AR: variants seen among roughly 807,000 people sequenced by gnomAD.
The protein encoded by AR is dihydrotestosterone receptor.
Under a neutral mutation model 53.9 loss-of-function variants are expected in AR, and 8 were observed. The observed-to-expected ratio is 0.15, with a 90% CI of 0.09 to 0.27. AR has a LOEUF of 0.27. Ranked by LOEUF, AR falls within the 10% of genes least tolerant of loss-of-function variation. The pLI, the probability that AR is intolerant of heterozygous loss-of-function variation, is 1.00. For synonymous variants in AR, 359 were observed against 316.4 expected (o/e 1.13, Z -1.43); for missense variants, 639 against 742.5 (o/e 0.86, Z 1.62).
chrX:67,668,663 C>G (rs1349715093), intron 2 of AR, among the ~76,000 whole-genome samples: 2 of 111,036 alleles, frequency 1.8e-5, no homozygotes, highest in African/African-American at 6.5e-5. Context: ...TGGTAAAATT[C>G]TGCACTGAAG....
intron 7 of AR, among the ~76,000 whole-genome samples, chrX:67,723,240 C>A (rs1403850385): frequency 9.3e-6 from 1 of 108,059 alleles, no homozygotes; most frequent in Non-Finnish European, 1.9e-5. Context: ...CAGATGAATT[C>A]TCTAGGCAGA....
chrX:67,674,302 G>A (rs765031690), intron 2 of AR, among the ~76,000 whole-genome samples: 11 of 110,313 alleles, frequency 1.0e-4, no homozygotes, highest in Non-Finnish European at 1.7e-4. Flanking sequence ...AGCTGGCACA[G>A]CACTGAGTCT....
intron 1 of AR, among the ~76,000 whole-genome samples, chrX:67,632,182 C>T (rs1458562538): frequency 1.8e-5 from 2 of 112,374 alleles, no homozygotes; most frequent in African/African-American, 6.5e-5. Context: ...TCGAGCTTCC[C>T]AGCTGCTTTG....
intron 3 of AR, among the ~76,000 whole-genome samples, chrX:67,710,579 C>A (rs926925752): frequency 3.9e-4 from 43 of 111,381 alleles, no homozygotes; most frequent in Non-Finnish European, 5.1e-4. Context: ...GCACTCCTCC[C>A]ATCTCAGCCT....
intron 3 of AR, among the ~76,000 whole-genome samples, chrX:67,706,562 C>T (rs2076068753): frequency 9.0e-6 from 1 of 110,976 alleles, no homozygotes; most frequent in Non-Finnish European, 1.9e-5. Context: ...GTCTTGCCAG[C>T]AGTCTATCAA....
At chrX:67,654,261 T>A (rs1383714860) in intron 2 of AR, among the ~76,000 whole-genome samples, 1 of 111,532 alleles carries the variant, frequency 9.0e-6, no homozygotes, top group Non-Finnish European at 1.9e-5. Flanking sequence ...TGAGTCTTGG[T>A]CATAGGCATG....
chrX:67,588,650 A>G (rs891395468), intron 1 of AR, among the ~76,000 whole-genome samples: 1 of 112,433 alleles, frequency 8.9e-6, no homozygotes, highest in Non-Finnish European at 1.9e-5. Context: ...GATAGTGACA[A>G]GCTGATGCCC....
intron 1 of AR, among the ~76,000 whole-genome samples, chrX:67,557,011 C>T (rs189981792): frequency 2.7e-5 from 3 of 111,224 alleles, no homozygotes; most frequent in East Asian, 5.7e-4. Flanking sequence ...TTGTATTGGA[C>T]GGTTTTGAGC....
rs753951279 is a variant in AR at position 67,630,594 on chromosome X, A to G, written c.1617-12662A>G. On this transcript the variant is annotated intron_variant, in intron 1 of 7. Coordinates refer to ENST00000374690, the MANE Select transcript of AR (RefSeq NM_000044.6). ...CTGATGGGTCTTGACTCTTTATCCA[A>G]TTTGCCAGTCTGTGTCTTTTAATTG... Among the ~76,000 whole-genome samples the G allele has an allele frequency of 2.7e-4, 30 of 110,692 alleles. No homozygotes were observed. In the South Asian group the frequency reaches 0.011, roughly 42 times the overall value.
At chrX:67,716,463 C>A (rs1359829337) in intron 4 of AR, among the ~76,000 whole-genome samples, 3 of 111,737 alleles carry the variant, frequency 2.7e-5, no homozygotes, top group African/African-American at 9.8e-5. Context: ...AAAGTAACTG[C>A]CTGTGCAGAG....
rs1262925589 is a variant in AR, at chrX:67,677,125, A to C, written c.1769-8885A>C. On this transcript the variant is annotated intron_variant, in intron 2 of 7. Coordinates refer to ENST00000374690, the MANE Select transcript of AR (RefSeq NM_000044.6). Reference sequence around the variant, plus strand: ...CCAAACTCACTAAGACTGAAGGCGAACCAGGATTCCAAACAGCCATTATGA... The same window carrying C: ...CCAAACTCACTAAGACTGAAGGCGACCCAGGATTCCAAACAGCCATTATGA... Among the ~76,000 whole-genome samples, 7 of 110,845 alleles carry C rather than the reference A, an allele frequency of 6.3e-5. No homozygotes were observed. In the East Asian group the frequency reaches 2.0e-3, roughly 32 times the overall value.
intron 1 of AR, among the ~76,000 whole-genome samples, chrX:67,571,077 A>T (rs1433635156): frequency 9.0e-6 from 1 of 110,902 alleles, no homozygotes; most frequent in Non-Finnish European, 1.9e-5. Flanking sequence ...GGTAGGGATG[A>T]GGAAGAGACC....
chrX:67,656,352 G>A (rs1270105574), intron 2 of AR, among the ~76,000 whole-genome samples: 2 of 110,914 alleles, frequency 1.8e-5, no homozygotes, highest in South Asian at 3.8e-4. Context: ...ACCTACCTGC[G>A]GCAGATACAA....
intron 1 of AR, among the ~76,000 whole-genome samples, chrX:67,629,117 G>T: frequency 9.0e-6 from 1 of 111,043 alleles, no homozygotes; most frequent in Non-Finnish European, 1.9e-5. Flanking sequence ...TTGTGTCTCT[G>T]CCCGTCTTTG....
In AR at chrX:67,725,397, T is replaced by C. The variant is rs1188832824; in HGVS notation, c.*1556T>C. 1 of 174,069 alleles carries C rather than the reference T, an allele frequency of 5.7e-6. No individual in the cohort carries two copies. The highest frequency in any genetic ancestry group is 1.1e-5 in the Non-Finnish European group (1 of 91,457). The allele number at this position is 174,069 out of a possible 1,213,427, so 14.3% of individuals were successfully genotyped here. On this transcript the variant is annotated 3_prime_UTR_variant, in exon 8 of 8. Transcript: ENST00000374690. ...ATACCCTCCCAGCAAGTGGAGAAGT[T>C]CTCACTTCCTTCTTTAGAGCAGCTA...
chrX:67,626,260 A>G (rs770691994), intron 1 of AR, among the ~76,000 whole-genome samples: 2 of 109,467 alleles, frequency 1.8e-5, no homozygotes, highest in East Asian at 5.8e-4. Context: ...ATTTCCTCTT[A>G]TCTCCATGAG....
chrX:67,579,114 C>A (rs1428538818), intron 1 of AR, among the ~76,000 whole-genome samples: 1 of 111,824 alleles, frequency 8.9e-6, no homozygotes, highest in Non-Finnish European at 1.9e-5. Flanking sequence ...AGTAAAGTGC[C>A]AGAGTTTGAA....
chrX:67,546,330 A>G lies in AR; in HGVS notation c.1184A>G (p.Tyr395Cys), dbSNP rs2147320631. The G allele has an allele frequency of 8.4e-7, 1 of 1,194,436 alleles. No homozygotes were observed. Among genetic ancestry groups the G allele is most frequent in the Non-Finnish European group, 1.1e-6 (1 of 887,435 alleles). The change falls in exon 1 of 8, where the codon TAC becomes TGC. Residue 395 changes from tyrosine to cysteine, a missense_variant. By Grantham distance (194) the Tyr-to-Cys change is radical. Around this residue, in one of 5 missense-constraint regions of AR, gnomAD observed 423 missense variants for 377.0 expected, o/e 1.12. Transcript: ENST00000374690. ...ATCAAGCTGGAGAACCCGCTGGACT[A>G]CGGCAGCGCCTGGGCGGCTGCGGCG... Reference protein sequence around the residue: ...ARIKLENPLDYGSAWAAAAAQ... With the variant: ...ARIKLENPLDCGSAWAAAAAQ...
chrX:67,682,909 G>T (rs1205114419), intron 2 of AR, among the ~76,000 whole-genome samples: 3 of 111,805 alleles, frequency 2.7e-5, no homozygotes, highest in Non-Finnish European at 5.6e-5. Context: ...ATCCATCTTT[G>T]CAATCCTCAA....
Sources: allele counts gnomAD v4.1 joint callset (sites outside exome capture counted in the v4.1 genomes callset), GRCh38; gene constraint gnomAD v4.1.1; regional missense constraint gnomAD v4.1.1; transcripts MANE v1.5; gene names NCBI Gene and HGNC (gene_info 2026-07-23, HGNC 2026-07-21).